Variants in CMTM8 observed in about 807,000 individuals in gnomAD.
CMTM8 encodes CKLF like MARVEL transmembrane domain containing 8, also known as CKLF-like MARVEL transmembrane domain-containing protein 8.
A neutral mutation model predicts 18.6 loss-of-function variants in CMTM8; 12 were observed. The ratio of observed to expected loss-of-function variants is 0.65; its 90% confidence interval spans 0.41 to 1.05. The LOEUF (loss-of-function observed/expected upper bound fraction) is 1.05, where lower values mean the gene tolerates loss of function less well. CMTM8 is among the 50% of genes least tolerant of loss of function. The pLI, the probability that CMTM8 is intolerant of heterozygous loss-of-function variation, is 0.00. For synonymous variants in CMTM8, 87 were observed against 90.6 expected (o/e 0.96, Z 0.23); for missense variants, 217 against 227.2 (o/e 0.95, Z 0.29).
intron 3 of CMTM8, among the ~76,000 whole-genome samples, chr3:32,369,651 C>T (rs936185562): frequency 6.6e-6 from 1 of 152,176 alleles, no homozygotes; most frequent in African/African-American, 2.4e-5. Context: ...AAGTGAACTC[C>T]CTGAGGTTAT....
At chr3:32,298,952 TA>T (rs1209402308) in intron 1 of CMTM8, among the ~76,000 whole-genome samples, 2 of 134,492 alleles carry the variant, frequency 1.5e-5, no homozygotes, top group Admixed American at 1.5e-4. Context: ...TATATATATA[TA>T]TATTTTTTTT....
intron 1 of CMTM8, among the ~76,000 whole-genome samples, chr3:32,346,814 C>CTTT (rs34230571): frequency 9.1e-5 from 12 of 131,456 alleles, no homozygotes; most frequent in Non-Finnish European, 1.4e-4. Context: ...TGTTATAATT[C>CTTT]TTTTTTTTTT....
intron 1 of CMTM8, among the ~76,000 whole-genome samples, chr3:32,257,166 G>C (rs1377449467): frequency 1.3e-5 from 2 of 152,106 alleles, no homozygotes; most frequent in East Asian, 3.9e-4. Flanking sequence ...TGTTAGAGAC[G>C]GGTTTTTGCC....
rs147128033 is a variant in CMTM8, at chr3:32,252,301, C to T, written c.147+13182C>T. Among the ~76,000 whole-genome samples the T allele has an allele frequency of 3.3e-3, 495 of 152,180 alleles. 15 individuals carry two copies. In the East Asian group the frequency reaches 0.073, roughly 22 times the overall value. ...GCCCTTTTAATTATTATAGTGTTAT[C>T]ATGTATTTTAATATTCAATAGGGTA... is the stretch of plus-strand genomic sequence containing the variant. On this transcript the variant is annotated intron_variant, in intron 1 of 3. Transcript: ENST00000307526.
intron 1 of CMTM8, among the ~76,000 whole-genome samples, chr3:32,337,165 A>G (rs1454075867): frequency 6.6e-6 from 1 of 152,162 alleles, no homozygotes; most frequent in Non-Finnish European, 1.5e-5. Flanking sequence ...ATCACCTCCC[A>G]AAGATCCCAC....
At chr3:32,355,836 G>A (rs1696805358) in intron 1 of CMTM8, among the ~76,000 whole-genome samples, 1 of 152,080 alleles carries the variant, frequency 6.6e-6, no homozygotes, top group Non-Finnish European at 1.5e-5. Context: ...TCAGACCTTT[G>A]CCCACGCTGT....
chr3:32,302,862 A>G (rs1446815332), intron 1 of CMTM8, among the ~76,000 whole-genome samples: 1 of 152,238 alleles, frequency 6.6e-6, no homozygotes, highest in African/African-American at 2.4e-5. Context: ...GACCCATGGC[A>G]TGAAGAGATT....
intron 1 of CMTM8, among the ~76,000 whole-genome samples, chr3:32,276,540 A>G (rs1006132821): frequency 1.3e-5 from 2 of 152,138 alleles, no homozygotes; most frequent in Non-Finnish European, 2.9e-5. Flanking sequence ...GGACCTTTGC[A>G]TGGGTGCTTT....
chr3:32,369,153 AC>A (rs1695593494), intron 3 of CMTM8, among the ~76,000 whole-genome samples: 2 of 126,138 alleles, frequency 1.6e-5, no homozygotes, highest in African/African-American at 6.0e-5. Context: ...TACTAAAAAT[AC>A]AAAAAAAAAA....
At chr3:32,291,439 C>G (rs192473455) in intron 1 of CMTM8, among the ~76,000 whole-genome samples, 101 of 152,198 alleles carry the variant, frequency 6.6e-4, no homozygotes, top group Non-Finnish European at 1.2e-3. Context: ...CGTGCCCAGC[C>G]GAGAAGAAAA....
chr3:32,370,042 A>G lies in CMTM8; in HGVS notation c.*75A>G. 1.3e-6 allele frequency: 1 copy of G among 766,954 alleles called. No individual in the cohort carries two copies. Among genetic ancestry groups the G allele is most frequent in the Admixed American group, 2.4e-5 (1 of 42,086 alleles). 47.5% of individuals were successfully genotyped at this position (766,954 alleles called of 1,614,324 possible). ...AAAAACAGCTGTAGGTATAATGTAT[A>G]TTCCCAGAGAATTGTATTTAACTAA... is the stretch of plus-strand genomic sequence containing the variant. On this transcript the variant is annotated 3_prime_UTR_variant, in exon 4 of 4. Transcript: ENST00000307526.
chr3:32,367,138 G>A (rs572324664), intron 2 of CMTM8, among the ~76,000 whole-genome samples: 2 of 152,284 alleles, frequency 1.3e-5, no homozygotes, highest in African/African-American at 4.8e-5. Flanking sequence ...GTTGGTTTCT[G>A]CTCTGGTTTC....
At chr3:32,319,230 C>T (rs1287276269) in intron 1 of CMTM8, among the ~76,000 whole-genome samples, 1 of 150,690 alleles carries the variant, frequency 6.6e-6, no homozygotes, top group African/African-American at 2.4e-5. Context: ...AGGCACCCAC[C>T]ACCATGCCTG....
chr3:32,345,109 C>T (rs1696570009), intron 1 of CMTM8, among the ~76,000 whole-genome samples: 2 of 151,998 alleles, frequency 1.3e-5, no homozygotes, highest in South Asian at 2.1e-4. Flanking sequence ...TTTGGGAGGC[C>T]GAGGTGGGCA....
intron 1 of CMTM8, among the ~76,000 whole-genome samples, chr3:32,315,279 G>A (rs13070657): frequency 0.52 from 78,148 of 151,678 alleles, 21,320 homozygotes; most frequent in East Asian, 0.85. Context: ...ACAGGCGCAT[G>A]CCACCACACC....
chr3:32,249,988 T>C (rs957184440), intron 1 of CMTM8, among the ~76,000 whole-genome samples: 5 of 152,224 alleles, frequency 3.3e-5, no homozygotes, highest in African/African-American at 4.8e-5. Flanking sequence ...TACTCTCTAT[T>C]TTCTTCTAAA....
In CMTM8 at chr3:32,307,233, G is replaced by A. The variant is rs144569177; in HGVS notation, c.148-50140G>A. Among the ~76,000 whole-genome samples, 7 of 152,302 alleles carry A rather than the reference G, an allele frequency of 4.6e-5. No individual in the cohort carries two copies. In the East Asian group the frequency reaches 9.7e-4, roughly 21 times the overall value. ...TGGATGCCTGTAATCCCAGCTACTCGGGAGGCTGAGGCAAGAGAATCACTT... is the reference window on the plus strand; with the variant it reads ...TGGATGCCTGTAATCCCAGCTACTCAGGAGGCTGAGGCAAGAGAATCACTT... On this transcript the variant is annotated intron_variant, in intron 1 of 3. Coordinates refer to ENST00000307526, the MANE Select transcript of CMTM8 (RefSeq NM_178868.5).
chr3:32,264,011 G>A (rs898429012), intron 1 of CMTM8, among the ~76,000 whole-genome samples: 1 of 152,206 alleles, frequency 6.6e-6, no homozygotes, highest in South Asian at 2.1e-4. Context: ...ATGCAACCAA[G>A]TTGGAAAACA....
chr3:32,244,431 C>T (rs892147132), intron 1 of CMTM8, among the ~76,000 whole-genome samples: 1 of 152,208 alleles, frequency 6.6e-6, no homozygotes, highest in African/African-American at 2.4e-5. Flanking sequence ...AGCAGTTCTC[C>T]TCCTTAGGCC....
Sources: allele counts gnomAD v4.1 joint callset (sites outside exome capture counted in the v4.1 genomes callset), GRCh38; gene constraint gnomAD v4.1.1; transcripts MANE v1.5; gene names NCBI Gene and HGNC (gene_info 2026-07-23, HGNC 2026-07-21).